The following CBR4 variants were observed in gnomAD, a reference collection of about 807,000 sequenced individuals.
CBR4 encodes the protein 3-oxoacyl-[acyl-carrier-protein] reductase.
CBR4 carries 22 observed loss-of-function variants against 21.0 expected under a neutral mutation model. That is an observed-to-expected ratio of 1.05 (90% CI 0.75 to 1.50). CBR4 has a LOEUF of 1.50. CBR4 is among the 40% of genes most tolerant of loss of function. The probability of loss-of-function intolerance (pLI) is 0.00; values close to 1 mark genes in which losing one functional copy is unlikely to be tolerated. For synonymous variants in CBR4, 100 were observed against 104.4 expected, an observed-to-expected ratio of 0.96 and a Z score of 0.26; for missense variants, 302 against 286.3, an observed-to-expected ratio of 1.05 and a Z score of -0.40.
At chr4:168,961,585 TAAAAG>T (rs1037906171) in intron 2 of CBR4, among the ~76,000 whole-genome samples, 1 of 151,800 alleles carries the variant, frequency 6.6e-6, no homozygotes, top group Non-Finnish European at 1.5e-5. Context: ...ACACTATATT[TAAAAG>T]AAAAGAAAAG....
intron 4 of CBR4, among the ~76,000 whole-genome samples, chr4:168,993,540 G>A (rs1302613246): frequency 6.6e-6 from 1 of 152,152 alleles, no homozygotes; most frequent in East Asian, 1.9e-4. Flanking sequence ...GTGCCTCAGA[G>A]AGTATCCTAG....
At chr4:168,979,765 A>T (rs11737286) in intron 2 of CBR4, among the ~76,000 whole-genome samples, 15,067 of 152,124 alleles carry the variant, frequency 0.099, 927 homozygotes, top group South Asian at 0.15. Context: ...GAATATTCCC[A>T]TTCGCAGTGG....
chr4:168,926,500 A>C, intron 2 of CBR4: 2 of 712,406 alleles, frequency 2.8e-6, no homozygotes, highest in Non-Finnish European at 2.2e-6. Flanking sequence ...GAAATTAAAA[A>C]AAAAACACCA....
chr4:168,958,530 T>C (rs553542398), intron 2 of CBR4, among the ~76,000 whole-genome samples: 4 of 152,380 alleles, frequency 2.6e-5, no homozygotes, highest in African/African-American at 9.6e-5. Context: ...TGAACAATAA[T>C]ATACAAATCT....
intron 2 of CBR4, among the ~76,000 whole-genome samples, chr4:168,923,890 A>G (rs774591521): frequency 6.6e-6 from 1 of 150,558 alleles, no homozygotes; most frequent in Non-Finnish European, 1.5e-5. Context: ...ACTAGGTGGC[A>G]GTAGTTGGTT....
intron 2 of CBR4, among the ~76,000 whole-genome samples, chr4:168,939,142 C>CA (rs1763191756): frequency 6.6e-6 from 1 of 152,200 alleles, no homozygotes; most frequent in African/African-American, 2.4e-5. Context: ...GCTGCTTCAA[C>CA]ATATGCAAAT....
chr4:168,972,106 C>A (rs1261583830), intron 2 of CBR4, among the ~76,000 whole-genome samples: 1 of 152,110 alleles, frequency 6.6e-6, no homozygotes, highest in African/African-American at 2.4e-5. Flanking sequence ...TATTAAGTAT[C>A]TGGCTTTATT....
chr4:168,928,663 G>GTGGT (rs1347689845), intron 2 of CBR4, among the ~76,000 whole-genome samples: 1 of 152,138 alleles, frequency 6.6e-6, no homozygotes, highest in African/African-American at 2.4e-5. Flanking sequence ...CAAAATTCAA[G>GTGGT]TGGTTGTGAT....
chr4:168,904,993 G>A (rs1380454843), intron 2 of CBR4, among the ~76,000 whole-genome samples: 1 of 151,838 alleles, frequency 6.6e-6, no homozygotes, highest in East Asian at 1.9e-4. Flanking sequence ...CAGGTGTGGT[G>A]GTAGGCACCT....
chr4:168,988,532 A>T lies in CBR4; in HGVS notation c.*1618T>A. The T allele has an allele frequency of 2.0e-6, 2 of 985,400 alleles. No homozygotes were observed. The highest frequency in any genetic ancestry group is 2.4e-6 in the Non-Finnish European group (2 of 829,914). The allele number at this position is 985,400 out of a possible 1,614,324, so 61.0% of individuals were successfully genotyped here. Reference sequence around the variant, plus strand: ...GCCAGCAATTGAGACAGCATTAGAGAAACTATCTACTATGTCTGAATAAGC... The same window carrying T: ...GCCAGCAATTGAGACAGCATTAGAGTAACTATCTACTATGTCTGAATAAGC... On this transcript the variant is annotated 3_prime_UTR_variant, in exon 5 of 5. Coordinates refer to ENST00000306193, the MANE Select transcript of CBR4 (RefSeq NM_032783.5).
chr4:169,008,825 A>T, intron 1 of CBR4: 1 of 372,762 alleles, frequency 2.7e-6, no homozygotes, highest in Admixed American at 3.7e-5. Flanking sequence ...GCATTCACTG[A>T]CACTCTCCCT....
intron 2 of CBR4, among the ~76,000 whole-genome samples, chr4:168,953,751 A>G (rs1327983109): frequency 6.6e-6 from 1 of 152,136 alleles, no homozygotes; most frequent in East Asian, 1.9e-4. Context: ...CTCCACTGTT[A>G]AGCCTAAGAA....
At chr4:169,001,082 T>G (rs1426988468) in intron 4 of CBR4, 1 of 151,984 alleles carries the variant, frequency 6.6e-6, no homozygotes, top group Admixed American at 6.6e-5. Context: ...ACTCCTGGAC[T>G]CCAGCAATCC....
At chr4:168,959,128 A>G (rs1763770596) in intron 2 of CBR4, among the ~76,000 whole-genome samples, 1 of 152,054 alleles carries the variant, frequency 6.6e-6, no homozygotes, top group South Asian at 2.1e-4. Context: ...CCCCAAAGTC[A>G]CTTTTGTCCT....
chr4:168,965,609 C>T (rs1453679770), intron 2 of CBR4, among the ~76,000 whole-genome samples: 1 of 152,168 alleles, frequency 6.6e-6, no homozygotes, highest in African/African-American at 2.4e-5. Context: ...CATCTACAAC[C>T]ATCTGATCTT....
intron 2 of CBR4, among the ~76,000 whole-genome samples, chr4:168,962,481 A>G (rs540994989): frequency 1.4e-3 from 207 of 152,310 alleles, no homozygotes; most frequent in Non-Finnish European, 2.2e-3. Context: ...GAGAAGAAAG[A>G]CTTGAGGATA....
chr4:168,999,027 G>A (rs1248667045), intron 4 of CBR4, among the ~76,000 whole-genome samples: 1 of 152,052 alleles, frequency 6.6e-6, no homozygotes, highest in Non-Finnish European at 1.5e-5. Context: ...AGCCATTACA[G>A]TTTCCATTTA....
intron 2 of CBR4, among the ~76,000 whole-genome samples, chr4:168,977,635 C>G (rs1488803337): frequency 6.6e-6 from 1 of 152,190 alleles, no homozygotes; most frequent in Non-Finnish European, 1.5e-5. Flanking sequence ...CGGATTTCCC[C>G]TCTGAGTTTC....
chr4:168,965,326 C>T (rs1472966593), intron 2 of CBR4, among the ~76,000 whole-genome samples: 2 of 152,062 alleles, frequency 1.3e-5, no homozygotes, highest in Admixed American at 6.6e-5. Context: ...CCATACTGCC[C>T]AAGGTAATTT....
Sources: allele counts gnomAD v4.1 joint callset (sites outside exome capture counted in the v4.1 genomes callset), GRCh38; gene constraint gnomAD v4.1.1; transcripts MANE v1.5; gene names NCBI Gene and HGNC (gene_info 2026-07-23, HGNC 2026-07-21).